The following DLG2 variants were observed in gnomAD, a reference collection of about 807,000 sequenced individuals.
DLG2 encodes the protein disks large homolog 2.
Under a neutral mutation model 132.5 loss-of-function variants are expected in DLG2, and 45 were observed. The observed-to-expected ratio is 0.34, with a 90% confidence interval of 0.27 to 0.44. The LOEUF (loss-of-function observed/expected upper bound fraction) is 0.44, where lower values mean the gene tolerates loss of function less well. Ranked by LOEUF, DLG2 falls within the 20% of genes least tolerant of loss-of-function variation. The pLI is 1.00. For synonymous variants in DLG2, 424 were observed against 419.6 expected (o/e 1.01, Z -0.13); for missense variants, 1,045 against 1,196.9 (o/e 0.87, Z 1.87).
chr11:84,755,619 T>C (rs1264530340), intron 6 of DLG2, among the ~76,000 whole-genome samples: 1 of 152,198 alleles, frequency 6.6e-6, no homozygotes, highest in East Asian at 1.9e-4. Flanking sequence ...GAGACGGGGT[T>C]ACACCGTGTT....
At chr11:84,702,041 A>G (rs938245463) in intron 6 of DLG2, among the ~76,000 whole-genome samples, 1 of 151,588 alleles carries the variant, frequency 6.6e-6, no homozygotes, top group African/African-American at 2.4e-5. Context: ...TGCTTTGTTC[A>G]TTTCCACAGG....
At chr11:84,504,734 C>T (rs2099233512) in intron 7 of DLG2, among the ~76,000 whole-genome samples, 1 of 151,754 alleles carries the variant, frequency 6.6e-6, no homozygotes, top group Non-Finnish European at 1.5e-5. Flanking sequence ...AAGTAATGAC[C>T]CAGAGGATTA....
At chr11:84,501,558 C>T (rs2099205501) in intron 7 of DLG2, among the ~76,000 whole-genome samples, 1 of 152,008 alleles carries the variant, frequency 6.6e-6, no homozygotes, top group African/African-American at 2.4e-5. Flanking sequence ...AGAGCCGAGA[C>T]TCCGTCTAAA....
At chr11:84,514,389 C>T (rs1027872989) in intron 7 of DLG2, among the ~76,000 whole-genome samples, 3 of 152,076 alleles carry the variant, frequency 2.0e-5, no homozygotes, top group Non-Finnish European at 4.4e-5. Flanking sequence ...AACATCTGCA[C>T]TCCCATATTG....
At chr11:84,554,687 G>A (rs1316945360) in intron 6 of DLG2, among the ~76,000 whole-genome samples, 4 of 152,098 alleles carry the variant, frequency 2.6e-5, no homozygotes, top group South Asian at 4.2e-4. Context: ...GGGAGGTTGC[G>A]GTGAGCTGAG....
At chr11:84,802,861 G>A (rs1490318656) in intron 6 of DLG2, among the ~76,000 whole-genome samples, 10 of 152,012 alleles carry the variant, frequency 6.6e-5, no homozygotes, top group East Asian at 3.9e-4. Flanking sequence ...GTACAGAGGC[G>A]CGATCTCGGC....
At chr11:84,610,154 T>C (rs2099592838) in intron 6 of DLG2, among the ~76,000 whole-genome samples, 1 of 152,110 alleles carries the variant, frequency 6.6e-6, no homozygotes, top group Non-Finnish European at 1.5e-5. Context: ...ATGTGGATGA[T>C]ACTGAAGGAA....
intron 6 of DLG2, among the ~76,000 whole-genome samples, chr11:85,013,845 T>C (rs2059349893): frequency 6.6e-6 from 1 of 152,214 alleles, no homozygotes; most frequent in Admixed American, 6.5e-5. Context: ...AGTTAGGGTT[T>C]ATAGCAAAAT....
At chr11:84,588,155 C>T (rs2099534188) in intron 6 of DLG2, among the ~76,000 whole-genome samples, 1 of 152,120 alleles carries the variant, frequency 6.6e-6, no homozygotes, top group African/African-American at 2.4e-5. Flanking sequence ...ACTATTCTGC[C>T]TCTCCATTCA....
At chr11:84,041,975 G>A (rs1354414687) in intron 11 of DLG2, among the ~76,000 whole-genome samples, 2 of 151,906 alleles carry the variant, frequency 1.3e-5, no homozygotes, top group East Asian at 3.9e-4. Flanking sequence ...GCCACCATGT[G>A]AGATGTGCCT....
At chr11:83,700,132 T>G (rs1566597058) in intron 18 of DLG2, among the ~76,000 whole-genome samples, 1 of 152,012 alleles carries the variant, frequency 6.6e-6, no homozygotes, top group Admixed American at 6.6e-5. Flanking sequence ...AAAATTAGGA[T>G]AGCAATTGGT....
At chr11:85,406,767 CTCCT>C (rs1346656693) in intron 3 of DLG2, among the ~76,000 whole-genome samples, 2 of 151,834 alleles carry the variant, frequency 1.3e-5, no homozygotes, top group Non-Finnish European at 2.9e-5. Context: ...AAAATCTCTG[CTCCT>C]GCAGAGCTTA....
At chr11:84,792,108 T>A (rs1295773669) in intron 6 of DLG2, among the ~76,000 whole-genome samples, 1 of 152,216 alleles carries the variant, frequency 6.6e-6, no homozygotes, top group Admixed American at 6.5e-5. Flanking sequence ...GTATGTTCCT[T>A]CTATACCCAG....
chr11:84,194,608 T>C (rs1457456082), intron 8 of DLG2, among the ~76,000 whole-genome samples: 1 of 152,176 alleles, frequency 6.6e-6, no homozygotes, highest in Admixed American at 6.5e-5. Flanking sequence ...TTTGACAGGG[T>C]ACTGATTGGT....
intron 7 of DLG2, among the ~76,000 whole-genome samples, chr11:84,328,132 T>G (rs900238390): frequency 1.4e-4 from 21 of 152,120 alleles, no homozygotes; most frequent in Non-Finnish European, 2.5e-4. Context: ...GGGCATAGCA[T>G]GTGCTATCCC....
At chr11:85,624,618 T>A (rs959360339) in intron 2 of DLG2, among the ~76,000 whole-genome samples, 1 of 152,172 alleles carries the variant, frequency 6.6e-6, no homozygotes, top group African/African-American at 2.4e-5. Flanking sequence ...GCATAGCCAA[T>A]GAAAAATACA....
intron 7 of DLG2, among the ~76,000 whole-genome samples, chr11:84,357,865 A>G (rs1431206019): frequency 1.3e-5 from 2 of 151,974 alleles, no homozygotes; most frequent in Non-Finnish European, 2.9e-5. Flanking sequence ...TGTAGTAGGT[A>G]AGAGTCTCAA....
At chr11:85,523,702 C>A (rs573226214) in intron 3 of DLG2, among the ~76,000 whole-genome samples, 1 of 152,206 alleles carries the variant, frequency 6.6e-6, no homozygotes, top group African/African-American at 2.4e-5. Context: ...ATAGAACTAC[C>A]ATACAATCCA....
chr11:85,617,875 T>C (rs945925262), intron 2 of DLG2, among the ~76,000 whole-genome samples: 2 of 152,290 alleles, frequency 1.3e-5, no homozygotes, highest in Admixed American at 1.3e-4. Context: ...CAAAATGGTG[T>C]TACCAGAAGA....
Sources: allele counts gnomAD v4.1 joint callset (sites outside exome capture counted in the v4.1 genomes callset), GRCh38; gene constraint gnomAD v4.1.1; transcripts MANE v1.5; gene names NCBI Gene and HGNC (gene_info 2026-07-23, HGNC 2026-07-21).